Variants in VWA3B observed in about 807,000 individuals in gnomAD.
The protein encoded by VWA3B is von Willebrand factor A domain containing 3B, also known as von Willebrand factor A domain-containing protein 3B.
A neutral mutation model predicts 158.3 loss-of-function variants in VWA3B; 138 were observed. The observed-to-expected ratio is 0.87, with a 90% confidence interval of 0.76 to 1.00. VWA3B has a LOEUF of 1.00. Ranked by LOEUF, VWA3B falls within the 50% of genes least tolerant of loss-of-function variation. The pLI is 0.00. For missense variants in VWA3B, 1,555 were observed against 1,565.1 expected (o/e 0.99, Z 0.11); for synonymous variants, 596 against 587.3 (o/e 1.01, Z -0.21).
chr2:98,249,958 A>G (rs1686689324), intron 19 of VWA3B, among the ~76,000 whole-genome samples: 1 of 152,202 alleles, frequency 6.6e-6, no homozygotes. Flanking sequence ...CAACAATGAG[A>G]TCTATTTCTT....
At chr2:98,146,567 A>G (rs1677190423) in intron 7 of VWA3B, among the ~76,000 whole-genome samples, 1 of 152,194 alleles carries the variant, frequency 6.6e-6, no homozygotes, top group African/African-American at 2.4e-5. Context: ...CAGGTTGCCA[A>G]CAAGGCTCAC....
chr2:98,238,332 G>A (rs1259106910), intron 19 of VWA3B, among the ~76,000 whole-genome samples: 1 of 152,202 alleles, frequency 6.6e-6, no homozygotes, highest in South Asian at 2.1e-4. Flanking sequence ...TTAGTCAGAT[G>A]TCAACTCACC....
chr2:98,320,857 A>G, the VWA3B span, among the ~76,000 whole-genome samples: 1 of 152,240 alleles, frequency 6.6e-6, no homozygotes, highest in Non-Finnish European at 1.5e-5. Context: ...AACTGCAGAA[A>G]TATGCATAAG....
At chr2:98,108,994 C>CTT (rs56760057) in intron 2 of VWA3B, among the ~76,000 whole-genome samples, 2,158 of 132,558 alleles carry the variant, frequency 0.016, 34 homozygotes, top group African/African-American at 0.035. Flanking sequence ...CTTTTCTTTT[C>CTT]TTTTTTTTTT....
At chr2:98,207,245 C>T (rs569533965) in intron 12 of VWA3B, 583 of 520,298 alleles carry the variant, frequency 1.1e-3, no homozygotes, top group Middle Eastern at 1.7e-3. Context: ...GCTGATGACT[C>T]GACTGCCTCT....
chr2:98,172,273 C>T (rs1679654168), intron 8 of VWA3B, among the ~76,000 whole-genome samples: 1 of 152,202 alleles, frequency 6.6e-6, no homozygotes, highest in South Asian at 2.1e-4. Flanking sequence ...ATGGTTTTCC[C>T]CTGGAGTCAG....
At chr2:98,205,298 C>T (rs62154936) in intron 12 of VWA3B, among the ~76,000 whole-genome samples, 7,191 of 152,190 alleles carry the variant, frequency 0.047, 257 homozygotes, top group Middle Eastern at 0.082. Flanking sequence ...TTTTTCTAAA[C>T]TGTAGAATTT....
chr2:98,128,274 T>C lies in VWA3B; in HGVS notation c.738T>C (p.Val246=). The C allele has an allele frequency of 6.2e-7, 1 of 1,614,184 alleles. No homozygotes were observed. The highest frequency in any genetic ancestry group is 8.5e-7 in the Non-Finnish European group (1 of 1,180,026). ...TTTACTACTTTGTGGTGGGGGATGTTCCTGAAGAATCCAAGGAGCTTCTCC... is the reference window on the plus strand; with the variant it reads ...TTTACTACTTTGTGGTGGGGGATGTCCCTGAAGAATCCAAGGAGCTTCTCC... The part of the protein sequence containing the change: ...ESIYYFVVGD[V]PEESKELLLQ... The change falls in exon 6 of 28, where the codon GTT becomes GTC. Residue 246 remains valine, a synonymous_variant. Transcript: ENST00000477737.
intron 21 of VWA3B, among the ~76,000 whole-genome samples, chr2:98,263,433 T>C (rs1478456934): frequency 1.3e-5 from 2 of 152,016 alleles, no homozygotes; most frequent in African/African-American, 2.4e-5. Context: ...CCTAGTTTGC[T>C]GAGTGTTTTT....
intron 2 of VWA3B, among the ~76,000 whole-genome samples, chr2:98,113,560 T>C (rs1674309389): frequency 1.3e-5 from 2 of 152,308 alleles, no homozygotes; most frequent in East Asian, 3.9e-4. Flanking sequence ...CTATATATTA[T>C]TTATAACAGC....
intron 9 of VWA3B, among the ~76,000 whole-genome samples, chr2:98,185,365 C>A (rs1197935000): frequency 2.0e-5 from 3 of 152,232 alleles, no homozygotes. Flanking sequence ...CCAGATTTAA[C>A]CCTGGCTAAT....
At chr2:98,210,158 C>G (rs1683390460) in intron 12 of VWA3B, among the ~76,000 whole-genome samples, 1 of 152,126 alleles carries the variant, frequency 6.6e-6, no homozygotes, top group Admixed American at 6.5e-5. Flanking sequence ...TTTTCCTGGC[C>G]CCTCTCCTCC....
At chr2:98,218,728 T>C (rs1684238852) in intron 14 of VWA3B, among the ~76,000 whole-genome samples, 1 of 152,204 alleles carries the variant, frequency 6.6e-6, no homozygotes, top group Non-Finnish European at 1.5e-5. Flanking sequence ...AGGAGTGACT[T>C]TAAATCCAGA....
At chr2:98,180,870 G>C in intron 8 of VWA3B, 146 bp from the exon 9 acceptor site, 1 of 807,598 alleles carries the variant, frequency 1.2e-6, no homozygotes, top group South Asian at 2.0e-5. Context: ...TTCTTTGCCA[G>C]TCCTGCTTTG....
At chr2:98,138,736 T>C (rs1022743035) in intron 7 of VWA3B, among the ~76,000 whole-genome samples, 3 of 152,088 alleles carry the variant, frequency 2.0e-5, no homozygotes, top group Admixed American at 6.5e-5. Context: ...CTTGGCTGGG[T>C]GGTCAGAATC....
At position 98,124,441 on chromosome 2, in the gene VWA3B, C is replaced by T. The variant is rs551321792; in HGVS notation, c.702+2983C>T. 9.9e-4 allele frequency among the ~76,000 whole-genome samples: 151 copies of T among 152,190 alleles called. 1 individual carries two copies. In the South Asian group the frequency reaches 0.022, roughly 22 times the overall value. On this transcript the variant is annotated intron_variant, in intron 5 of 27. Coordinates refer to ENST00000477737, the MANE Select transcript of VWA3B (RefSeq NM_144992.5). The stretch of plus-strand genomic sequence containing the variant: ...CCTGAAACCTGGGAGGCCAGAAAGT[C>T]GGTGGTGGTCAAGGATCCTAGGAGG...
chr2:98,104,530 C>T (rs534562763), intron 2 of VWA3B, among the ~76,000 whole-genome samples: 5 of 152,288 alleles, frequency 3.3e-5, no homozygotes, highest in South Asian at 2.1e-4. Flanking sequence ...GATCTGTCGC[C>T]GTGATCCAAA....
intron 22 of VWA3B, among the ~76,000 whole-genome samples, chr2:98,288,870 C>G (rs1334936563): frequency 1.3e-5 from 2 of 152,168 alleles, no homozygotes; most frequent in Non-Finnish European, 2.9e-5. Context: ...AATACCTATG[C>G]TTTTTCTTTC....
chr2:98,244,875 T>C (rs974409457), intron 19 of VWA3B, among the ~76,000 whole-genome samples: 2 of 152,100 alleles, frequency 1.3e-5, no homozygotes, highest in African/African-American at 4.8e-5. Context: ...TTACAGAGTA[T>C]TTCATCTCAC....
Sources: allele counts gnomAD v4.1 joint callset (sites outside exome capture counted in the v4.1 genomes callset), GRCh38; gene constraint gnomAD v4.1.1; transcripts MANE v1.5; gene names NCBI Gene and HGNC (gene_info 2026-07-23, HGNC 2026-07-21).